The following GDAP1L1 variants were observed in gnomAD, a reference collection of about 807,000 sequenced individuals.
GDAP1L1 encodes the protein ganglioside induced differentiation associated protein 1 like 1, also known as ganglioside-induced differentiation-associated protein 1-like 1.
In GDAP1L1, 21 loss-of-function variants were observed where a neutral mutation model predicts 37.1. The ratio of observed to expected loss-of-function variants is 0.57; its 90% CI spans 0.40 to 0.81. The LOEUF is 0.81. Ranked by LOEUF, GDAP1L1 falls within the 40% of genes least tolerant of loss-of-function variation. The probability of loss-of-function intolerance (pLI) is 0.00; values close to 1 mark genes in which losing one functional copy is unlikely to be tolerated. For missense variants in GDAP1L1, 362 were observed against 491.6 expected (o/e 0.74, Z 2.49); for synonymous variants, 193 against 209.1 (o/e 0.92, Z 0.67).
intron 5 of GDAP1L1, among the ~76,000 whole-genome samples, chr20:44,265,749 T>C (rs901725536): frequency 6.6e-6 from 1 of 152,068 alleles, no homozygotes; most frequent in African/African-American, 2.4e-5. Flanking sequence ...GGACACACAT[T>C]CTCCAGATGA....
In GDAP1L1 at chr20:44,268,899, T is replaced by C. The variant is rs111677625; in HGVS notation, c.760+4340T>C. Among the ~76,000 whole-genome samples, 228 of 152,234 alleles carry C rather than the reference T, an allele frequency of 1.5e-3. 1 individual carries two copies. Among genetic ancestry groups the C allele is most frequent in the African/African-American group, 4.8e-3 (201 of 41,542 alleles). On this transcript the variant is annotated intron_variant, in intron 5 of 5. Transcript: ENST00000342560. ...TACAATGGGAAGTCCCTGGAGGGCT[T>C]TGAGGAGGGTATTGTATCAGTTAGT... is the stretch of plus-strand genomic sequence containing the variant.
intron 3 of GDAP1L1, 101 bp downstream of exon 3, chr20:44,258,708 C>A: frequency 1.2e-6 from 1 of 800,426 alleles, no homozygotes; most frequent in Non-Finnish European, 2.0e-6. Context: ...TCTCTGTCCT[C>A]CCCTTCCTCC....
intron 5 of GDAP1L1, among the ~76,000 whole-genome samples, chr20:44,270,436 C>T (rs1488944629): frequency 6.6e-6 from 1 of 152,148 alleles, no homozygotes; most frequent in Non-Finnish European, 1.5e-5. Flanking sequence ...TCCCAAAGTG[C>T]TGGGATTACA....
intron 5 of GDAP1L1, among the ~76,000 whole-genome samples, chr20:44,267,705 G>A (rs1414686339): frequency 6.6e-6 from 1 of 152,156 alleles, no homozygotes; most frequent in African/African-American, 2.4e-5. Context: ...CATGTAAGGG[G>A]CTTAGCACAG....
intron 5 of GDAP1L1, among the ~76,000 whole-genome samples, chr20:44,277,838 A>T (rs2062599560): frequency 6.6e-6 from 1 of 152,158 alleles, no homozygotes; most frequent in Non-Finnish European, 1.5e-5. Context: ...TTGCTGACAA[A>T]TTGTATGTGG....
chr20:44,276,412 A>AAGAAAGAAAGAAAGAAAGAAAGAAAG (rs1555801147), intron 5 of GDAP1L1, among the ~76,000 whole-genome samples: 1 of 113,308 alleles, frequency 8.8e-6, no homozygotes, highest in Non-Finnish European at 1.8e-5. Flanking sequence ...AGAAAAAAGA[A>AAGAAAGAAAGAAAGAAAGAAAGAAAG]AAAGAAAGAA....
In GDAP1L1 at chr20:44,280,027, C is replaced by A. The variant is rs2062625280; in HGVS notation, c.*727C>A. On this transcript the variant is annotated 3_prime_UTR_variant, in exon 6 of 6. Transcript: ENST00000342560. ...CCTCTTCCTACCTTGAGTTTTTCTA[C>A]CCTGTGAGGTGGGACTTTCAGTAAA... The A allele has an allele frequency of 3.0e-6, 1 of 334,566 alleles. No individual in the cohort carries two copies. Among genetic ancestry groups the A allele is most frequent in the African/African-American group, 2.2e-5 (1 of 46,416 alleles). 20.7% of individuals were successfully genotyped at this position (334,566 alleles called of 1,614,324 possible).
At chr20:44,256,435 T>C (rs58236369) in intron 1 of GDAP1L1, among the ~76,000 whole-genome samples, 2,129 of 152,264 alleles carry the variant, frequency 0.014, 49 homozygotes, top group African/African-American at 0.049. Context: ...TTTGGGAGGC[T>C]GAGGTGGCCA....
At chr20:44,272,715 C>T (rs1043849391) in intron 5 of GDAP1L1, among the ~76,000 whole-genome samples, 9 of 152,270 alleles carry the variant, frequency 5.9e-5, no homozygotes, top group African/African-American at 1.7e-4. Flanking sequence ...CACACAAACA[C>T]GGACATGCAT....
intron 5 of GDAP1L1, among the ~76,000 whole-genome samples, chr20:44,268,587 T>C (rs2146036563): frequency 6.6e-6 from 1 of 152,214 alleles, no homozygotes; most frequent in South Asian, 2.1e-4. Flanking sequence ...GCGATAAGTG[T>C]TAAGATTGAG....
At chr20:44,273,479 A>C (rs868275554) in intron 5 of GDAP1L1, among the ~76,000 whole-genome samples, 19 of 151,310 alleles carry the variant, frequency 1.3e-4, no homozygotes, top group African/African-American at 7.3e-5. Flanking sequence ...TCACAATCGC[A>C]CCTCCCTCCG....
At chr20:44,271,744 G>A (rs780838928) in intron 5 of GDAP1L1, among the ~76,000 whole-genome samples, 2 of 152,134 alleles carry the variant, frequency 1.3e-5, no homozygotes, top group East Asian at 1.9e-4. Context: ...AGGGGGAATC[G>A]GGGGTTCAGG....
chr20:44,251,009 G>A (rs764563562), intron 1 of GDAP1L1, among the ~76,000 whole-genome samples: 7 of 152,114 alleles, frequency 4.6e-5, no homozygotes, highest in Admixed American at 6.5e-5. Flanking sequence ...CTCGGTGCCC[G>A]TTGACTTTGG....
chr20:44,257,373 C>T (rs371498707), intron 2 of GDAP1L1, 28 bp downstream of exon 2: 51 of 1,590,384 alleles, frequency 3.2e-5, no homozygotes, highest in Non-Finnish European at 4.1e-5. Flanking sequence ...CCCAGGGGCC[C>T]ACTCCATACC....
intron 1 of GDAP1L1, among the ~76,000 whole-genome samples, chr20:44,250,359 T>C (rs781277369): frequency 7.2e-5 from 11 of 152,190 alleles, no homozygotes; most frequent in Non-Finnish European, 1.5e-4. Context: ...TTGAGAATAT[T>C]AATGGTGCCT....
chr20:44,254,964 C>T (rs1439652857), intron 1 of GDAP1L1, among the ~76,000 whole-genome samples: 1 of 152,010 alleles, frequency 6.6e-6, no homozygotes, highest in Non-Finnish European at 1.5e-5. Flanking sequence ...CCACAACAGC[C>T]CATTTCAACC....
chr20:44,258,365 TGCCGGGGGCAGGTG>T, intron 2 of GDAP1L1, 55 bp from the exon 3 acceptor site: 1 of 1,463,824 alleles, frequency 6.8e-7, no homozygotes, highest in East Asian at 2.5e-5. Flanking sequence ...GGCTCAGGGA[TGCCGGGGGCAGGTG>T]GCCGGGGCAG....
At chr20:44,254,280 CACTT>C (rs1174662841) in intron 1 of GDAP1L1, among the ~76,000 whole-genome samples, 2 of 152,164 alleles carry the variant, frequency 1.3e-5, no homozygotes, top group African/African-American at 2.4e-5. Flanking sequence ...TGAATACTCA[CACTT>C]ACTCATACAC....
rs1473550466 is a variant in GDAP1L1 at position 44,279,575 on chromosome 20, G to T, written c.*275G>T. 1.8e-6 allele frequency: 1 copy of T among 569,846 alleles called. No individual in the cohort carries two copies. Among genetic ancestry groups the T allele is most frequent in the Admixed American group, 2.2e-5 (1 of 45,374 alleles). The allele number at this position is 569,846 out of a possible 1,614,324, so 35.3% of individuals were successfully genotyped here. ...AGAAAACACGAATGCCTTTTCTATC[G>T]ATTCAAGGTCTCAAGATGGAACTGT... On this transcript the variant is annotated 3_prime_UTR_variant, in exon 6 of 6. Transcript: ENST00000342560.
Sources: allele counts gnomAD v4.1 joint callset (sites outside exome capture counted in the v4.1 genomes callset), GRCh38; gene constraint gnomAD v4.1.1; transcripts MANE v1.5; gene names NCBI Gene and HGNC (gene_info 2026-07-23, HGNC 2026-07-21).